Variants in RALGAPA1 observed in about 807,000 individuals in gnomAD.
RALGAPA1 encodes ral GTPase-activating protein subunit alpha-1.
In RALGAPA1, 52 loss-of-function variants were observed where a neutral mutation model predicts 269.6. That is an observed-to-expected ratio of 0.19 (90% confidence interval 0.15 to 0.24). RALGAPA1 has a LOEUF of 0.24. Among genes scored for constraint, RALGAPA1 ranks in the 10% least tolerant of loss-of-function variants. The pLI, the probability that RALGAPA1 is intolerant of heterozygous loss-of-function variation, is 1.00. For synonymous variants in RALGAPA1, 817 were observed against 1,008.3 expected (o/e 0.81, Z 3.60); for missense variants, 1,917 against 3,013.9 (o/e 0.64, Z 8.52).
In RALGAPA1 at chr14:35,689,609, T is replaced by A; in HGVS notation, c.2802A>T (p.Glu934Asp). The change falls in exon 18 of 42, where the codon GAA becomes GAT. Residue 934 changes from glutamate (E) to aspartate (D), a missense_variant. Coordinates refer to ENST00000680220, the MANE Select transcript of RALGAPA1 (RefSeq NM_001346249.2). ...AFEQIQYIDL[E>D]GDDDLLSTLK... ...GGGTGGAAAGAAGATCATCATCTCCTTCAAGGTCAATGTACTGGATTTGTT... is the reference window on the plus strand; with the variant it reads ...GGGTGGAAAGAAGATCATCATCTCCATCAAGGTCAATGTACTGGATTTGTT... 8.0e-7 allele frequency: 1 copy of A among 1,245,624 alleles called. No homozygotes were observed. Among genetic ancestry groups the A allele is most frequent in the Non-Finnish European group, 1.0e-6 (1 of 996,756 alleles). 77.2% of individuals were successfully genotyped at this position (1,245,624 alleles called of 1,614,324 possible).
intron 17 of RALGAPA1, among the ~76,000 whole-genome samples, chr14:35,694,327 T>A (rs919916181): frequency 6.6e-6 from 1 of 152,170 alleles, no homozygotes; most frequent in Non-Finnish European, 1.5e-5. Context: ...CTAGTTTACA[T>A]AGAAATTGAT....
At chr14:35,555,848 C>G (rs963624746) in intron 39 of RALGAPA1, among the ~76,000 whole-genome samples, 2 of 152,096 alleles carry the variant, frequency 1.3e-5, no homozygotes, top group East Asian at 3.8e-4. Context: ...TCTCAATGAC[C>G]TAGGTGTTGT....
Position 35,652,066 on chromosome 14 carries a change from T to C in RALGAPA1, c.5608-193A>G, listed in dbSNP as rs115225085. On this transcript the variant is annotated intron_variant, in intron 30 of 41. Coordinates refer to ENST00000680220, the MANE Select transcript of RALGAPA1 (RefSeq NM_001346249.2). ...CAAGTATAGTTAACTATCAATTATT[T>C]ATAATCCTCATGTACAGAACCAAAA... Among the ~76,000 whole-genome samples, 352 of 152,292 alleles carry C rather than the reference T, an allele frequency of 2.3e-3. 1 individual carries two copies. Among genetic ancestry groups the C allele is most frequent in the African/African-American group, 7.7e-3 (319 of 41,552 alleles).
chr14:35,800,898 G>C (rs754089033), intron 1 of RALGAPA1, among the ~76,000 whole-genome samples: 1 of 151,922 alleles, frequency 6.6e-6, no homozygotes, highest in Non-Finnish European at 1.5e-5. Flanking sequence ...CCAGCTACTC[G>C]GGAGGCTGAG....
chr14:35,700,781 A>C (rs982629124), intron 16 of RALGAPA1, among the ~76,000 whole-genome samples: 3 of 152,186 alleles, frequency 2.0e-5, no homozygotes, highest in Admixed American at 1.3e-4. Flanking sequence ...TTACCAAATA[A>C]AGTTTTCTAA....
intron 13 of RALGAPA1, 118 bp from the exon 14 acceptor site, chr14:35,725,271 CAA>C (rs1483695853): frequency 9.6e-6 from 6 of 622,940 alleles, no homozygotes; most frequent in Non-Finnish European, 7.5e-6. Context: ...CTTTGAAAGA[CAA>C]TTTCAAATGT....
chr14:35,598,925 T>C (rs754998867), intron 36 of RALGAPA1, among the ~76,000 whole-genome samples: 1 of 152,226 alleles, frequency 6.6e-6, no homozygotes, highest in Non-Finnish European at 1.5e-5. Flanking sequence ...TCCTGCCTCC[T>C]GTGGCTAACT....
In RALGAPA1 at chr14:35,539,591, C is replaced by T. The variant is rs200066443; in HGVS notation, c.*123G>A. ...GGAACGACGCAGCTTCATGGACATG[C>T]GGCTTTTGCTAGTTCGAGGAGACAT... On this transcript the variant is annotated 3_prime_UTR_variant, in exon 42 of 42. Coordinates refer to ENST00000680220, the MANE Select transcript of RALGAPA1 (RefSeq NM_001346249.2). 1.7e-5 allele frequency: 27 copies of T among 1,613,736 alleles called. No individual in the cohort carries two copies. Among genetic ancestry groups the T allele is most frequent in the Admixed American group, 8.3e-5 (5 of 60,022 alleles).
intron 16 of RALGAPA1, among the ~76,000 whole-genome samples, chr14:35,713,145 G>A (rs553186192): frequency 1.3e-5 from 2 of 152,322 alleles, no homozygotes; most frequent in Non-Finnish European, 2.9e-5. Context: ...AAACGGATCT[G>A]GAGGTTGTGA....
In RALGAPA1 at chr14:35,654,376, T is replaced by C; in HGVS notation, c.5598A>G (p.Lys1866=). The C allele has an allele frequency of 6.3e-7, 1 of 1,588,376 alleles. No individual in the cohort carries two copies. Among genetic ancestry groups the C allele is most frequent in the South Asian group, 1.2e-5 (1 of 83,646 alleles). The change falls in exon 30 of 42, where the codon AAA becomes AAG. Residue 1866 remains lysine (K), a synonymous_variant. Coordinates refer to ENST00000680220, the MANE Select transcript of RALGAPA1 (RefSeq NM_001346249.2). ...ATGAGAAATTACTTACTTGAATAAT[T>C]TTCAAGGGAGAATCAGGCTGGTAAA... ...LQIYQPDSPL[K]IIQILIATIT...
At chr14:35,679,367 C>T (rs1467497128) in intron 21 of RALGAPA1, among the ~76,000 whole-genome samples, 1 of 152,140 alleles carries the variant, frequency 6.6e-6, no homozygotes, top group Non-Finnish European at 1.5e-5. Flanking sequence ...GGGTTACACC[C>T]CAAGAAACTC....
At chr14:35,618,650 C>A (rs1481498259) in intron 35 of RALGAPA1, among the ~76,000 whole-genome samples, 2 of 151,982 alleles carry the variant, frequency 1.3e-5, no homozygotes, top group Non-Finnish European at 2.9e-5. Context: ...AGCATAACTA[C>A]TAGAAAGGAG....
intron 35 of RALGAPA1, among the ~76,000 whole-genome samples, chr14:35,607,047 G>A (rs2059642986): frequency 6.6e-6 from 1 of 152,078 alleles, no homozygotes. Context: ...TGCAGAATAA[G>A]GGTCTACACA....
intron 32 of RALGAPA1, 129 bp downstream of exon 32, chr14:35,635,335 T>C (rs985080901): frequency 9.1e-7 from 1 of 1,094,706 alleles, no homozygotes; most frequent in East Asian, 2.8e-5. Flanking sequence ...TTAGGCACTG[T>C]AAGCTAAATA....
chr14:35,593,912 T>C (rs962986443), intron 37 of RALGAPA1, among the ~76,000 whole-genome samples: 1 of 151,894 alleles, frequency 6.6e-6, no homozygotes, highest in Non-Finnish European at 1.5e-5. Context: ...GTCATCAGAA[T>C]GGTACGGTAC....
chr14:35,688,589 T>C lies in RALGAPA1; in HGVS notation c.3822A>G (p.Lys1274=), dbSNP rs560114001. 6 of 1,535,880 alleles carry C rather than the reference T, an allele frequency of 3.9e-6. No homozygotes were observed. The African/African-American group carries it at 8.2e-5, about 21-fold the overall frequency. ...LQQGSLGGVY[K]TVVHALSKPK... is the part of the protein sequence containing the mutation. Reference sequence around the variant, plus strand: ...GCTTCGAAAGAGCATGTACAACAGTTTTATAAACGCCACCCAGGGAGCCCT... The same window carrying C: ...GCTTCGAAAGAGCATGTACAACAGTCTTATAAACGCCACCCAGGGAGCCCT... The change falls in exon 18 of 42, where the codon AAA becomes AAG. Residue 1274 remains lysine, a synonymous_variant. Transcript: ENST00000680220.
In RALGAPA1 at chr14:35,689,115, C is replaced by A. The variant is rs954751068; in HGVS notation, c.3296G>T (p.Arg1099Leu). Residue 1099 changes from arginine to leucine, a missense_variant, in exon 18 of 42, where the codon CGT becomes CTT. By Grantham distance (102) the Arg-to-Leu change is moderately radical. Coordinates refer to ENST00000680220, the MANE Select transcript of RALGAPA1 (RefSeq NM_001346249.2). ...NEKITVPHVM[R>L]AKKATLKAPV... is the part of the protein sequence containing the mutation. ...TGCTTTTAGTGTTGCTTTCTTGGCA[C>A]GCATAACATGTGGGACAGTGATTTT... The A allele has an allele frequency of 8.1e-7, 1 of 1,235,224 alleles. No homozygotes were observed. The highest frequency in any genetic ancestry group is 1.0e-6 in the Non-Finnish European group (1 of 989,996). The allele number at this position is 1,235,224 out of a possible 1,614,324, so 76.5% of individuals were successfully genotyped here.
intron 41 of RALGAPA1, chr14:35,541,996 AATGC>A (rs1165009575): frequency 8.0e-7 from 1 of 1,242,348 alleles, no homozygotes; most frequent in Non-Finnish European, 1.1e-6. Flanking sequence ...TCACAATGAC[AATGC>A]TTTGTAAATT....
At chr14:35,700,975 T>C (rs896534969) in intron 16 of RALGAPA1, among the ~76,000 whole-genome samples, 5 of 152,258 alleles carry the variant, frequency 3.3e-5, no homozygotes, top group Non-Finnish European at 5.9e-5. Context: ...GCATGAAAAA[T>C]TGGGTTCTTG....
Sources: gnomAD v4.1 joint callset for allele counts (sites outside exome capture counted in the v4.1 genomes callset) on GRCh38, gnomAD v4.1.1 for gene constraint, MANE v1.5 for transcripts, NCBI Gene and HGNC (gene_info 2026-07-23, HGNC 2026-07-21) for gene names.